The following UGGT1 variants were observed in gnomAD, a reference collection of about 807,000 sequenced individuals.
UGGT1 encodes UDP-glucose:glycoprotein glucosyltransferase 1.
Under a neutral mutation model 203.9 loss-of-function variants are expected in UGGT1, and 107 were observed. That is an observed-to-expected ratio of 0.52 (90% CI 0.45 to 0.62). The LOEUF is 0.62. Among genes scored for constraint, UGGT1 ranks in the 20% least tolerant of loss-of-function variants. The probability of loss-of-function intolerance (pLI) is 0.00; values close to 1 mark genes in which losing one functional copy is unlikely to be tolerated. For missense variants in UGGT1, 1,673 were observed against 1,867.2 expected, an observed-to-expected ratio of 0.90 and a Z score of 1.92; for synonymous variants, 628 against 653.5, an observed-to-expected ratio of 0.96 and a Z score of 0.59.
rs774697063 is a variant in UGGT1 at position 128,109,615 on chromosome 2, G to T, written c.409-19G>T. ...TTGGTTAGAAATTTAAAAAGTATGTGTTGTGTCTTATGTGACAGATAGCAG... is the reference window on the plus strand; with the variant it reads ...TTGGTTAGAAATTTAAAAAGTATGTTTTGTGTCTTATGTGACAGATAGCAG... On this transcript the variant is annotated intron_variant, in intron 4 of 40. Transcript: ENST00000259253. The T allele has an allele frequency of 1.3e-6, 2 of 1,586,636 alleles. No homozygotes were observed. The highest frequency in any genetic ancestry group is 2.2e-5 in the South Asian group (2 of 90,482).
intron 17 of UGGT1, among the ~76,000 whole-genome samples, chr2:128,144,978 ACAGT>A (rs1689611748): frequency 6.6e-6 from 1 of 152,180 alleles, no homozygotes; most frequent in Admixed American, 6.5e-5. Context: ...ACCTATGTTG[ACAGT>A]CAGGAAAAAT....
chr2:128,093,089 T>C (rs557251157), intron 1 of UGGT1, among the ~76,000 whole-genome samples: 2 of 152,324 alleles, frequency 1.3e-5, no homozygotes, highest in African/African-American at 4.8e-5. Flanking sequence ...TGGTTTTACC[T>C]GTAGAGTTAA....
intron 35 of UGGT1, among the ~76,000 whole-genome samples, chr2:128,180,095 G>C (rs189561707): frequency 9.2e-5 from 14 of 152,160 alleles, no homozygotes; most frequent in South Asian, 4.1e-4. Flanking sequence ...AGAGTCTTTT[G>C]TTGTTGTTAT....
intron 13 of UGGT1, among the ~76,000 whole-genome samples, chr2:128,132,185 C>T (rs1016049034): frequency 2.6e-5 from 4 of 151,776 alleles, no homozygotes; most frequent in South Asian, 2.1e-4. Context: ...TTTGGGTTTC[C>T]GCTGTTTATT....
intron 20 of UGGT1, 93 bp downstream of exon 20, chr2:128,155,680 A>T: frequency 1.1e-6 from 1 of 917,808 alleles, no homozygotes. Context: ...GAGAAAAGGG[A>T]AAGAGACTTC....
chr2:128,120,737 C>CTA (rs924195114), intron 9 of UGGT1, among the ~76,000 whole-genome samples: 2 of 152,092 alleles, frequency 1.3e-5, no homozygotes, highest in Admixed American at 6.6e-5. Flanking sequence ...TCCTAAGTTC[C>CTA]TATATATATA....
At chr2:128,122,858 C>A (rs919323146) in intron 10 of UGGT1, among the ~76,000 whole-genome samples, 2 of 152,168 alleles carry the variant, frequency 1.3e-5, no homozygotes, top group African/African-American at 4.8e-5. Flanking sequence ...GAGCAATCTG[C>A]TGCCTTGGTG....
In UGGT1 at chr2:128,135,373, C is replaced by G. The variant is rs531545504; in HGVS notation, c.1583+412C>G. On this transcript the variant is annotated intron_variant, in intron 15 of 40. Coordinates refer to ENST00000259253, the MANE Select transcript of UGGT1 (RefSeq NM_020120.4). Reference sequence around the variant, plus strand: ...GATGCAAACAGTAACAGTTACTTCACTTGTGTTGCCAAACCTGCCTACAGG... The same window carrying G: ...GATGCAAACAGTAACAGTTACTTCAGTTGTGTTGCCAAACCTGCCTACAGG... 1.3e-3 allele frequency among the ~76,000 whole-genome samples: 191 copies of G among 152,316 alleles called. 1 individual carries two copies. The highest frequency in any genetic ancestry group is 4.4e-3 in the African/African-American group (184 of 41,574).
intron 26 of UGGT1, among the ~76,000 whole-genome samples, chr2:128,165,457 C>T (rs548827342): frequency 2.0e-5 from 3 of 152,184 alleles, no homozygotes; most frequent in South Asian, 2.1e-4. Context: ...CAGCACTTTG[C>T]GAGGCTGAGG....
chr2:128,126,008 T>C (rs1688581242), intron 11 of UGGT1, among the ~76,000 whole-genome samples: 1 of 151,316 alleles, frequency 6.6e-6, no homozygotes, highest in African/African-American at 2.4e-5. Context: ...AGTGGCATGA[T>C]CTCAGCTCAC....
intron 28 of UGGT1, among the ~76,000 whole-genome samples, chr2:128,171,978 G>A (rs1400442269): frequency 6.6e-6 from 1 of 152,194 alleles, no homozygotes; most frequent in Non-Finnish European, 1.5e-5. Flanking sequence ...TAACTTGCCA[G>A]TGTGCTGTGT....
At chr2:128,107,502 G>T (rs1012355806) in intron 3 of UGGT1, among the ~76,000 whole-genome samples, 4 of 152,212 alleles carry the variant, frequency 2.6e-5, no homozygotes, top group South Asian at 2.1e-4. Flanking sequence ...TCTAAGTGGG[G>T]TATAGATAGA....
chr2:128,112,473 TTAC>T (rs1558759501), intron 5 of UGGT1, among the ~76,000 whole-genome samples: 28 of 120,290 alleles, frequency 2.3e-4, no homozygotes, highest in Non-Finnish European at 3.1e-4. Flanking sequence ...TATATATATA[TTAC>T]ATACATACAT....
intron 28 of UGGT1, 67 bp from the exon 29 acceptor site, chr2:128,172,506 A>G: frequency 6.5e-7 from 1 of 1,527,360 alleles, no homozygotes; most frequent in Non-Finnish European, 9.0e-7. Context: ...TTACCTGTGT[A>G]AGGGCTGTGC....
In UGGT1 at chr2:128,091,298, T is replaced by C; in HGVS notation, c.-60T>C. 3 of 1,477,752 alleles carry C rather than the reference T, an allele frequency of 2.0e-6. No homozygotes were observed. Among genetic ancestry groups the C allele is most frequent in the Non-Finnish European group, 2.7e-6 (3 of 1,110,230 alleles). 91.5% of individuals were successfully genotyped at this position (1,477,752 alleles called of 1,614,324 possible). ...CGCAGCCTGCACTGCCGCTGCCGCC[T>C]CGCCCCGCCCTGCCCTGGCGTTGTC... On this transcript the variant is annotated 5_prime_UTR_variant, in exon 1 of 41. Coordinates refer to ENST00000259253, the MANE Select transcript of UGGT1 (RefSeq NM_020120.4).
At chr2:128,173,974 G>A in intron 30 of UGGT1, 35 bp downstream of exon 30, 1 of 1,602,610 alleles carries the variant, frequency 6.2e-7, no homozygotes, top group Non-Finnish European at 8.5e-7. Flanking sequence ...TGATATTGTA[G>A]TTACGTTAAT....
chr2:128,159,767 G>T (rs374659742), intron 23 of UGGT1, 47 bp downstream of exon 23: 1 of 1,585,582 alleles, frequency 6.3e-7, no homozygotes, highest in African/African-American at 1.3e-5. Flanking sequence ...TGTCTGCCAC[G>T]GAAGCTCACC....
rs73957674 is a variant in UGGT1, at chr2:128,107,929, C to T, written c.278-9C>T. On this transcript the variant is annotated splice_polypyrimidine_tract_variant and intron_variant, in intron 3 of 40. Coordinates refer to ENST00000259253, the MANE Select transcript of UGGT1 (RefSeq NM_020120.4). ...CGCAATTACTTTGGTTAATGTTCTT[C>T]CTTGACAGGTACCGATTATTCCTAC... The T allele has an allele frequency of 6.5e-4, 1,054 of 1,613,646 alleles. 8 individuals carry two copies. In the Middle Eastern group the frequency reaches 0.013, roughly 19 times the overall value.
At chr2:128,174,737 TGAAGA>T (rs780110089) in intron 30 of UGGT1, 31 bp from the exon 31 acceptor site, 89 of 1,542,190 alleles carry the variant, frequency 5.8e-5, no homozygotes, top group Non-Finnish European at 7.3e-5. Flanking sequence ...TTTGGTGTTT[TGAAGA>T]GAGCTAACTG....
Sources: gnomAD v4.1 joint callset for allele counts (sites outside exome capture counted in the v4.1 genomes callset) on GRCh38, gnomAD v4.1.1 for gene constraint, MANE v1.5 for transcripts, NCBI Gene and HGNC (gene_info 2026-07-23, HGNC 2026-07-21) for gene names.